R3HCC1L: variants seen among roughly 807,000 people sequenced by gnomAD.
R3HCC1L encodes the protein coiled-coil domain-containing protein R3HCC1L.
Under a neutral mutation model 59.9 loss-of-function variants are expected in R3HCC1L, and 51 were observed. The ratio of observed to expected loss-of-function variants is 0.85; its 90% CI spans 0.68 to 1.07. The LOEUF (loss-of-function observed/expected upper bound fraction) is 1.07, where lower values mean the gene tolerates loss of function less well. R3HCC1L is among the 50% of genes least tolerant of loss of function. R3HCC1L has a pLI of 0.00. For synonymous variants in R3HCC1L, 322 were observed against 315.2 expected (o/e 1.02, Z -0.23); for missense variants, 965 against 933.0 (o/e 1.03, Z -0.45).
intron 4 of R3HCC1L, among the ~76,000 whole-genome samples, chr10:98,204,406 A>C (rs916499383): frequency 3.9e-5 from 6 of 152,166 alleles, no homozygotes; most frequent in Non-Finnish European, 7.4e-5. Context: ...ACTGTCTCAA[A>C]AAAAAAAGAG....
intron 1 of R3HCC1L, among the ~76,000 whole-genome samples, chr10:98,135,383 G>A (rs147614083): frequency 0.013 from 1,908 of 152,264 alleles, 8 homozygotes; most frequent in Non-Finnish European, 0.019. Flanking sequence ...GCGCAGCCTC[G>A]GTTTCGTTGT....
At chr10:98,174,773 C>T in intron 4 of R3HCC1L, 1 of 979,120 alleles carries the variant, frequency 1.0e-6, no homozygotes, top group Non-Finnish European at 1.2e-6. Flanking sequence ...CAAGGTAAGC[C>T]TAGTTTATAT....
At chr10:98,232,642 G>A (rs192417464) in intron 6 of R3HCC1L, among the ~76,000 whole-genome samples, 1 of 152,284 alleles carries the variant, frequency 6.6e-6, no homozygotes, top group East Asian at 1.9e-4. Flanking sequence ...TATTTAAAAT[G>A]AACCAGGTCT....
chr10:98,208,631 G>C lies in R3HCC1L; in HGVS notation c.517G>C (p.Ala173Pro). Residue 173 changes from alanine (A) to proline (P), a missense_variant, in exon 5 of 10, where the codon GCT (alanine) becomes CCT (proline). Physicochemically the swap from Ala to Pro is conservative, Grantham distance 27. Transcript: ENST00000298999. Reference sequence around the variant, plus strand: ...ACAGGCCTGTTTAGAAATCAGCGAGGCTCAAGTTCCAAGCAAACCATTCCA... The same window carrying C: ...ACAGGCCTGTTTAGAAATCAGCGAGCCTCAAGTTCCAAGCAAACCATTCCA... ...LSQACLEISE[A>P]QVPSKPFQNV... The C allele has an allele frequency of 3.1e-6, 5 of 1,614,126 alleles. No individual in the cohort carries two copies. Among genetic ancestry groups the C allele is most frequent in the South Asian group, 1.1e-5 (1 of 91,082 alleles).
chr10:98,209,974 T>C, intron 5 of R3HCC1L, 75 bp downstream of exon 5: 1 of 1,174,558 alleles, frequency 8.5e-7, no homozygotes, highest in Non-Finnish European at 1.2e-6. Flanking sequence ...TGATAGACAG[T>C]GATGCACATT....
intron 5 of R3HCC1L, among the ~76,000 whole-genome samples, chr10:98,216,375 G>A (rs1433675533): frequency 2.6e-5 from 4 of 152,028 alleles, no homozygotes; most frequent in Non-Finnish European, 5.9e-5. Flanking sequence ...TTAGCCGGGC[G>A]TAGTGGCATG....
chr10:98,221,929 G>C, intron 5 of R3HCC1L, among the ~76,000 whole-genome samples: 1 of 152,200 alleles, frequency 6.6e-6, no homozygotes, highest in East Asian at 1.9e-4. Flanking sequence ...GGCATTAGTA[G>C]CTTGATGGGG....
At chr10:98,228,371 T>A (rs1341480012) in intron 5 of R3HCC1L, among the ~76,000 whole-genome samples, 1 of 152,266 alleles carries the variant, frequency 6.6e-6, no homozygotes, top group Non-Finnish European at 1.5e-5. Context: ...TTTGGCTGCA[T>A]AAATGTCTTC....
chr10:98,236,654 A>G (rs1856995683), intron 9 of R3HCC1L, among the ~76,000 whole-genome samples: 1 of 152,212 alleles, frequency 6.6e-6, no homozygotes, highest in African/African-American at 2.4e-5. Context: ...GACAGTCCTG[A>G]GTGGCTCCAT....
At chr10:98,222,293 G>A (rs901407532) in intron 5 of R3HCC1L, among the ~76,000 whole-genome samples, 1 of 151,958 alleles carries the variant, frequency 6.6e-6, no homozygotes, top group East Asian at 1.9e-4. Context: ...AGACAGTGGG[G>A]TTTTCTAGAT....
chr10:98,208,138 C>T lies in R3HCC1L; in HGVS notation c.24C>T (p.Cys8=). MQQESER[C]RVRARRPDMA... The stretch of plus-strand genomic sequence containing the variant: ...CCATGCAGCAAGAATCAGAGAGATG[C>T]AGAGTTAGAGCCAGAAGGCCTGACA... The change falls in exon 5 of 10, where the codon TGC becomes TGT. Residue 8 remains cysteine (C), a synonymous_variant. Transcript: ENST00000298999. The T allele has an allele frequency of 6.2e-7, 1 of 1,611,980 alleles. No homozygotes were observed. Among genetic ancestry groups the T allele is most frequent in the Non-Finnish European group, 8.5e-7 (1 of 1,179,288 alleles).
At chr10:98,208,015 ACT>A (rs1290505889) in intron 4 of R3HCC1L, 84 bp from the exon 5 acceptor site, 17 of 1,254,526 alleles carry the variant, frequency 1.4e-5, no homozygotes, top group Non-Finnish European at 1.8e-5. Flanking sequence ...ACAGTGTGAG[ACT>A]CTGTCCCAAA....
chr10:98,168,873 T>C (rs1386737653), intron 4 of R3HCC1L, among the ~76,000 whole-genome samples: 1 of 152,172 alleles, frequency 6.6e-6, no homozygotes, highest in Non-Finnish European at 1.5e-5. Context: ...AATGTGCCTC[T>C]GGAGAAGGAA....
intron 4 of R3HCC1L, among the ~76,000 whole-genome samples, chr10:98,164,589 A>C (rs1236211847): frequency 2.0e-5 from 3 of 152,078 alleles, no homozygotes; most frequent in African/African-American, 4.8e-5. Flanking sequence ...TTTAAGAAGA[A>C]ACTAATTTGC....
intron 4 of R3HCC1L, among the ~76,000 whole-genome samples, chr10:98,180,978 A>G (rs1411557060): frequency 6.6e-6 from 1 of 152,152 alleles, no homozygotes; most frequent in East Asian, 1.9e-4. Context: ...AATACAGCAC[A>G]CTGATGGGTC....
At chr10:98,225,686 A>G (rs1855595727) in intron 5 of R3HCC1L, among the ~76,000 whole-genome samples, 2 of 152,180 alleles carry the variant, frequency 1.3e-5, no homozygotes, top group South Asian at 2.1e-4. Context: ...TTTTGCTATT[A>G]TTAACACTGT....
chr10:98,149,304 A>G (rs1360668568), intron 1 of R3HCC1L, among the ~76,000 whole-genome samples: 3 of 152,148 alleles, frequency 2.0e-5, no homozygotes, highest in African/African-American at 4.8e-5. Context: ...TCTCTTTTCA[A>G]AAAACCAACT....
At chr10:98,136,938 C>T (rs1228895776) in intron 1 of R3HCC1L, among the ~76,000 whole-genome samples, 2 of 152,154 alleles carry the variant, frequency 1.3e-5, no homozygotes, top group South Asian at 2.1e-4. Context: ...GGGCTGGGCG[C>T]GGTGGCGCAC....
At chr10:98,219,833 G>A (rs898840717) in intron 5 of R3HCC1L, among the ~76,000 whole-genome samples, 1 of 152,056 alleles carries the variant, frequency 6.6e-6, no homozygotes, top group African/African-American at 2.4e-5. Flanking sequence ...TTTGACTTTT[G>A]ACAACTTGAC....
Sources: gnomAD v4.1 joint callset for allele counts (sites outside exome capture counted in the v4.1 genomes callset) on GRCh38, gnomAD v4.1.1 for gene constraint, MANE v1.5 for transcripts, NCBI Gene and HGNC (gene_info 2026-07-23, HGNC 2026-07-21) for gene names.